Variants in PLA2G10 observed in about 807,000 individuals in gnomAD.
PLA2G10 encodes group 10 secretory phospholipase A2.
Under a neutral mutation model 7.9 loss-of-function variants are expected in PLA2G10, and 9 were observed. That is an observed-to-expected ratio of 1.14 (90% CI 0.68 to 1.98). The LOEUF (loss-of-function observed/expected upper bound fraction) is 1.98, where lower values mean the gene tolerates loss of function less well. Ranked by LOEUF, PLA2G10 falls within the 30% of genes most tolerant of loss-of-function variation. PLA2G10 has a pLI of 0.00. For missense variants in PLA2G10, 53 were observed against 65.4 expected, an observed-to-expected ratio of 0.81 and a Z score of 0.66; for synonymous variants, 19 against 27.5, an observed-to-expected ratio of 0.69 and a Z score of 0.97.
intron 3 of PLA2G10, among the ~76,000 whole-genome samples, chr16:14,686,310 A>G (rs184547616): frequency 6.6e-6 from 1 of 152,052 alleles, no homozygotes; most frequent in East Asian, 1.9e-4. Flanking sequence ...CAGAAAATAG[A>G]AAAAAAGGGA....
At chr16:14,683,149 G>C (rs62037490) in intron 3 of PLA2G10, among the ~76,000 whole-genome samples, 3 of 152,050 alleles carry the variant, frequency 2.0e-5, no homozygotes, top group Non-Finnish European at 4.4e-5. Flanking sequence ...AAGGAAGCTG[G>C]GGTTAAGAGA....
intron 3 of PLA2G10, among the ~76,000 whole-genome samples, chr16:14,685,259 C>G (rs573907902): frequency 6.6e-6 from 1 of 151,798 alleles, no homozygotes; most frequent in Non-Finnish European, 1.5e-5. Context: ...GTAATCCCAG[C>G]TACTCAGGAA....
intron 3 of PLA2G10, among the ~76,000 whole-genome samples, chr16:14,679,112 ACCATGCACT>A: frequency 6.6e-6 from 1 of 152,272 alleles, no homozygotes; most frequent in Admixed American, 6.5e-5. Context: ...AGAAATCCTC[ACCATGCACT>A]CCTGCTTTTT....
At chr16:14,682,715 G>A (rs1212447573) in intron 3 of PLA2G10, among the ~76,000 whole-genome samples, 1 of 152,164 alleles carries the variant, frequency 6.6e-6, no homozygotes. Flanking sequence ...GGAGTTAGCA[G>A]GGGTCAGAGA....
At position 14,686,790 on chromosome 16, in the gene PLA2G10, C is replaced by T. The variant is rs1000675982; in HGVS notation, c.355+1375G>A. Among the ~76,000 whole-genome samples the T allele has an allele frequency of 2.0e-5, 3 of 152,076 alleles. No homozygotes were observed. The South Asian group carries it at 6.2e-4, about 32-fold the overall frequency. The stretch of plus-strand genomic sequence containing the variant: ...AACTATAGGCGTGAGCCACAGCACC[C>T]GGCCCAAAATGGAATCTTAAAAATA... On this transcript the variant is annotated intron_variant, in intron 3 of 3. Coordinates refer to ENST00000438167, the MANE Select transcript of PLA2G10 (RefSeq NM_003561.3).
At chr16:14,684,392 C>G (rs563005256) in intron 3 of PLA2G10, among the ~76,000 whole-genome samples, 1 of 148,490 alleles carries the variant, frequency 6.7e-6, no homozygotes, top group African/African-American at 2.5e-5. Flanking sequence ...CTTGGCCAGG[C>G]ACAGTGGCTC....
intron 3 of PLA2G10, among the ~76,000 whole-genome samples, chr16:14,687,651 A>C (rs1199346069): frequency 6.6e-6 from 1 of 151,978 alleles, no homozygotes; most frequent in Non-Finnish European, 1.5e-5. Context: ...CCAGACATCA[A>C]ATAATTAGGT....
chr16:14,685,378 A>G (rs1477958200), intron 3 of PLA2G10, among the ~76,000 whole-genome samples: 1 of 152,008 alleles, frequency 6.6e-6, no homozygotes. Context: ...GTCAAAAAAA[A>G]AAAAAAAAGA....
intron 3 of PLA2G10, 92 bp from the exon 4 acceptor site, chr16:14,672,841 A>G: frequency 1.6e-6 from 2 of 1,255,422 alleles, no homozygotes; most frequent in Non-Finnish European, 1.1e-6. Context: ...GTCATAAATT[A>G]CATTTCTGAG....
chr16:14,686,379 A>C (rs1961064236), intron 3 of PLA2G10, among the ~76,000 whole-genome samples: 1 of 152,190 alleles, frequency 6.6e-6, no homozygotes, highest in Non-Finnish European at 1.5e-5. Flanking sequence ...CTCGCTGCCG[A>C]AACTCAAGCC....
intron 3 of PLA2G10, among the ~76,000 whole-genome samples, chr16:14,677,149 A>G (rs1960745557): frequency 6.6e-6 from 1 of 152,214 alleles, no homozygotes; most frequent in South Asian, 2.1e-4. Flanking sequence ...TATTTCTGGA[A>G]TGTTTTAATT....
At chr16:14,687,367 T>C (rs1287221432) in intron 3 of PLA2G10, among the ~76,000 whole-genome samples, 5 of 150,662 alleles carry the variant, frequency 3.3e-5, no homozygotes, top group East Asian at 2.0e-4. Flanking sequence ...TTTGCCCTGT[T>C]ACACAGGCTG....
chr16:14,680,032 A>G (rs1398665811), intron 3 of PLA2G10, among the ~76,000 whole-genome samples: 1 of 151,866 alleles, frequency 6.6e-6, no homozygotes, highest in African/African-American at 2.4e-5. Flanking sequence ...GAAAGCCTAT[A>G]TACATGACCT....
At chr16:14,674,776 C>G (rs555214758) in intron 3 of PLA2G10, among the ~76,000 whole-genome samples, 1 of 151,672 alleles carries the variant, frequency 6.6e-6, no homozygotes, top group Non-Finnish European at 1.5e-5. Context: ...CTATAGTAAC[C>G]AAAACAGCAT....
intron 3 of PLA2G10, among the ~76,000 whole-genome samples, chr16:14,675,060 A>G (rs1960689221): frequency 6.6e-6 from 1 of 151,980 alleles, no homozygotes; most frequent in Non-Finnish European, 1.5e-5. Flanking sequence ...AATCCCAGCT[A>G]CTTGGTAAGC....
At chr16:14,680,358 T>C (rs1387913639) in intron 3 of PLA2G10, among the ~76,000 whole-genome samples, 1 of 151,898 alleles carries the variant, frequency 6.6e-6, no homozygotes, top group East Asian at 1.9e-4. Context: ...CCTAAGCCTC[T>C]CAAAGTGCTG....
At chr16:14,687,328 ATTTT>A (rs201336845) in intron 3 of PLA2G10, among the ~76,000 whole-genome samples, 1 of 136,320 alleles carries the variant, frequency 7.3e-6, no homozygotes, top group African/African-American at 2.7e-5. Context: ...GTTAGGTAAA[ATTTT>A]TTTTTTTTTT....
At position 14,672,565 on chromosome 16, in the gene PLA2G10, G is replaced by A. The variant is rs370170527; in HGVS notation, c.*42C>T. The A allele has an allele frequency of 2.1e-5, 34 of 1,599,684 alleles. No individual in the cohort carries two copies. Among genetic ancestry groups the A allele is most frequent in the Admixed American group, 5.1e-5 (3 of 59,216 alleles). On this transcript the variant is annotated 3_prime_UTR_variant, in exon 4 of 4. Transcript: ENST00000438167. ...TGCTGTTGTTCATTACTGAGAGGAC[G>A]CTTTATTTCCTTGTGCAAAAGAGCA...
rs1460385455 is a variant in PLA2G10 at position 14,679,016 on chromosome 16, C to G, written c.356-6267G>C. Among the ~76,000 whole-genome samples the G allele has an allele frequency of 2.6e-5, 4 of 152,082 alleles. No individual in the cohort carries two copies. The East Asian group carries it at 7.7e-4, about 29-fold the overall frequency. ...TGCACTGGCTGTTGCATCACCTCCA[C>G]GTGGCTGTCTCCTCTGTTCCTCAGG... On this transcript the variant is annotated intron_variant, in intron 3 of 3. Coordinates refer to ENST00000438167, the MANE Select transcript of PLA2G10 (RefSeq NM_003561.3).
Sources: gnomAD v4.1 joint callset for allele counts (sites outside exome capture counted in the v4.1 genomes callset) on GRCh38, gnomAD v4.1.1 for gene constraint, MANE v1.5 for transcripts, NCBI Gene and HGNC (gene_info 2026-07-23, HGNC 2026-07-21) for gene names.